PLA2G4B: variants seen among roughly 807,000 people sequenced by gnomAD.
PLA2G4B encodes the protein cytosolic phospholipase A2 beta.
A neutral mutation model predicts 95.8 loss-of-function variants in PLA2G4B; 122 were observed. The ratio of observed to expected loss-of-function variants is 1.27; its 90% CI spans 1.10 to 1.48. The LOEUF is 1.48. Ranked by LOEUF, PLA2G4B falls within the 40% of genes most tolerant of loss-of-function variation. The pLI, the probability that PLA2G4B is intolerant of heterozygous loss-of-function variation, is 0.00. For synonymous variants in PLA2G4B, 518 were observed against 421.5 expected (o/e 1.23, Z -2.80); for missense variants, 1,158 against 996.2 (o/e 1.16, Z -2.19).
intron 1 of PLA2G4B, 21 bp downstream of exon 1, chr15:41,838,943 G>A: frequency 1.3e-6 from 2 of 1,580,418 alleles, no homozygotes; most frequent in Non-Finnish European, 1.7e-6. Flanking sequence ...GCAGGGCCCT[G>A]GGTCCCTACT....
chr15:41,845,306 C>T lies in PLA2G4B; in HGVS notation c.1343C>T (p.Thr448Ile). Reference protein sequence around the residue: ...ALNTKGQSLTTFEFGEWCEFS... With the variant: ...ALNTKGQSLTIFEFGEWCEFS... ...AACACCAAAGGGCAGAGCCTGACCACTTTTGAATTTGGGGGTGAGTGGCCC... is the reference window on the plus strand; with the variant it reads ...AACACCAAAGGGCAGAGCCTGACCATTTTTGAATTTGGGGGTGAGTGGCCC... Residue 448 changes from threonine (T) to isoleucine (I), a missense_variant, in exon 14 of 20, where the codon ACT becomes ATT. Thr to Ile is a moderately conservative substitution (Grantham distance 89). Coordinates refer to ENST00000458483, the MANE Select transcript of PLA2G4B (RefSeq NM_001114633.2). The T allele has an allele frequency of 6.2e-7, 1 of 1,614,008 alleles. No individual in the cohort carries two copies. Among genetic ancestry groups the T allele is most frequent in the Non-Finnish European group, 8.5e-7 (1 of 1,179,930 alleles).
At chr15:41,838,997 A>G (rs1424685683) in intron 1 of PLA2G4B, 75 bp downstream of exon 1, 15 of 1,263,658 alleles carry the variant, frequency 1.2e-5, no homozygotes, top group Non-Finnish European at 1.7e-5. Context: ...TATGTTTCTT[A>G]TGGGAGCTGT....
chr15:41,840,001 T>C lies in PLA2G4B; in HGVS notation c.10-157T>C, dbSNP rs541656293. 249 of 810,928 alleles carry C rather than the reference T, an allele frequency of 3.1e-4. 1 individual carries two copies. Among genetic ancestry groups the C allele is most frequent in the East Asian group, 6.3e-4 (23 of 36,744 alleles). The allele number at this position is 810,928 out of a possible 1,614,324, so 50.2% of individuals were successfully genotyped here. A position where few individuals can be genotyped will look rare whatever the true frequency, so the allele number is the denominator to read the frequency against. ...GCTGGCAGGCGTCATGATGGAGATA[T>C]CATGTCTCCTCTTGTTGATTCAGGA... On this transcript the variant is annotated intron_variant, in intron 1 of 19. Transcript: ENST00000458483.
In PLA2G4B at chr15:41,846,750, A is replaced by G. The variant is rs920237364; in HGVS notation, c.1862A>G (p.Asn621Ser). 1.2e-6 allele frequency: 2 copies of G among 1,613,924 alleles called. No individual in the cohort carries two copies. The highest frequency in any genetic ancestry group is 2.2e-5 in the East Asian group (1 of 44,874). The stretch of plus-strand genomic sequence containing the variant: ...CTGCTGGATGTTGGCTACCTCATCA[A>G]TACCAGCTGCCTGCCCCTCCTGCAG... The part of the protein sequence containing the change: ...LCLLDVGYLI[N>S]TSCLPLLQPT... The change falls in exon 18 of 20, where the codon AAT becomes AGT. Residue 621 changes from asparagine (N) to serine (S), a missense_variant. Asn to Ser is a conservative substitution (Grantham distance 46). Coordinates refer to ENST00000458483, the MANE Select transcript of PLA2G4B (RefSeq NM_001114633.2).
Position 41,838,872 on chromosome 15 carries a change from T to A in PLA2G4B, c.-42T>A. On this transcript the variant is annotated 5_prime_UTR_variant, in exon 1 of 20. Transcript: ENST00000458483. ...AGAAAGCTGACAGTCCTTGATCCTG[T>A]GGCCACTGCCCCATCATTCCTGCTC... The A allele has an allele frequency of 1.3e-6, 2 of 1,582,650 alleles. No individual in the cohort carries two copies. Among genetic ancestry groups the A allele is most frequent in the Non-Finnish European group, 1.7e-6 (2 of 1,161,898 alleles).
chr15:41,841,345 A>G (rs2065428843), intron 6 of PLA2G4B, 72 bp downstream of exon 6: 2 of 1,610,894 alleles, frequency 1.2e-6, no homozygotes, highest in African/African-American at 2.7e-5. Context: ...CTTGAGGTAC[A>G]GGCCCACCGC....
At chr15:41,847,568 C>T (rs751655547) in intron 19 of PLA2G4B, 45 bp downstream of exon 19, 2 of 1,605,798 alleles carry the variant, frequency 1.2e-6, no homozygotes, top group Admixed American at 1.7e-5. Flanking sequence ...CAGTCCCCCA[C>T]ACCTCCTCCG....
rs1298495939 is a variant in PLA2G4B at position 41,841,862 on chromosome 15, G to C, written c.534G>C (p.Glu178Asp). ...AGCTTGTGGTTCCTGGGTCCTGTGAGGGTCCGCAGGAGGCCTCTGTGGGCA... is the reference window on the plus strand; with the variant it reads ...AGCTTGTGGTTCCTGGGTCCTGTGACGGTCCGCAGGAGGCCTCTGTGGGCA... ...RVQLVVPGSC[E>D]GPQEASVGTG... is the part of the protein sequence containing the mutation. The change falls in exon 8 of 20, where the codon GAG becomes GAC. Residue 178 changes from glutamate (E) to aspartate (D), a missense_variant. Transcript: ENST00000458483. 6.2e-7 allele frequency: 1 copy of C among 1,613,466 alleles called. No individual in the cohort carries two copies. Among genetic ancestry groups the C allele is most frequent in the Non-Finnish European group, 8.5e-7 (1 of 1,179,874 alleles).
intron 2 of PLA2G4B, 105 bp downstream of exon 2, chr15:41,840,335 G>T: frequency 6.3e-7 from 1 of 1,575,432 alleles, no homozygotes; most frequent in Non-Finnish European, 8.6e-7. Context: ...GGGCCGGTGG[G>T]CAGGGCCTAG....
rs749665047 is a variant in PLA2G4B, at chr15:41,846,122, C to T, written c.1600+75C>T. ...GCTGCACCAGGGGGCGGGGGGTTCA[C>T]ACCTCTTCCCCCTCCAGGGTCACCA... On this transcript the variant is annotated intron_variant, in intron 16 of 19. Transcript: ENST00000458483. 6.8e-5 allele frequency: 108 copies of T among 1,580,212 alleles called. No homozygotes were observed. In the Middle Eastern group the frequency reaches 1.3e-3, roughly 20 times the overall value.
At position 41,844,838 on chromosome 15, in the gene PLA2G4B, C is replaced by T; in HGVS notation, c.1017-10C>T. The T allele has an allele frequency of 6.3e-7, 1 of 1,593,132 alleles. No homozygotes were observed. Among genetic ancestry groups the T allele is most frequent in the Non-Finnish European group, 8.5e-7 (1 of 1,170,078 alleles). ...GACAGCCCTCTGGCTTTGGCTTTGG[C>T]TTTTCCCAGGGCCTTGGCCAACCTT... On this transcript the variant is annotated splice_polypyrimidine_tract_variant and intron_variant, in intron 12 of 19. Transcript: ENST00000458483.
chr15:41,838,941 CT>C lies in PLA2G4B; in HGVS notation c.9+20del. ...GGCTGTGGTAAGGCCTGGCAGGGCC[CT>C]GGGTCCCTACTGGGACCCCTGGTCT... On this transcript the variant is annotated intron_variant, in intron 1 of 19. Coordinates refer to ENST00000458483, the MANE Select transcript of PLA2G4B (RefSeq NM_001114633.2). 6.3e-7 allele frequency: 1 copy of C among 1,582,780 alleles called. No individual in the cohort carries two copies. The highest frequency in any genetic ancestry group is 1.8e-5 in the Admixed American group (1 of 56,214).
At chr15:41,842,687 C>T (rs956214088) in intron 10 of PLA2G4B, 96 bp downstream of exon 10, 2 of 1,538,096 alleles carry the variant, frequency 1.3e-6, no homozygotes, top group Admixed American at 4.7e-5. Flanking sequence ...GAAACAGCCG[C>T]CCCTCATCCT....
rs1354387056 is a variant in PLA2G4B, at chr15:41,848,038, C to T, written c.*178C>T. On this transcript the variant is annotated 3_prime_UTR_variant, in exon 20 of 20. Coordinates refer to ENST00000458483, the MANE Select transcript of PLA2G4B (RefSeq NM_001114633.2). Reference sequence around the variant, plus strand: ...GCAGTTTGCAGTGGGGTAAGGAGGCCAAGCCCATTTGTGTAATCACCCAAA... The same window carrying T: ...GCAGTTTGCAGTGGGGTAAGGAGGCTAAGCCCATTTGTGTAATCACCCAAA... 3.7e-6 allele frequency: 3 copies of T among 821,626 alleles called. No homozygotes were observed. Among genetic ancestry groups the T allele is most frequent in the African/African-American group, 3.5e-5 (2 of 57,944 alleles). The allele number at this position is 821,626 out of a possible 1,614,324, so 50.9% of individuals were successfully genotyped here.
At chr15:41,846,443 T>C in intron 17 of PLA2G4B, 61 bp downstream of exon 17, 1 of 1,562,638 alleles carries the variant, frequency 6.4e-7, no homozygotes, top group East Asian at 2.3e-5. Flanking sequence ...CCAGTCCAGA[T>C]ACCCCTCACA....
chr15:41,846,555 G>A lies in PLA2G4B; in HGVS notation c.1781-114G>A, dbSNP rs1365427818. On this transcript the variant is annotated intron_variant, in intron 17 of 19. Coordinates refer to ENST00000458483, the MANE Select transcript of PLA2G4B (RefSeq NM_001114633.2). ...GGACCCAGGGCCCACCTGCAGGGCT[G>A]TGGGGGTGTTGGTTCAGCAGGAGAG... The A allele has an allele frequency of 4.6e-6, 7 of 1,513,866 alleles. No homozygotes were observed. In the Admixed American group the frequency reaches 1.0e-4, roughly 22 times the overall value. The allele number at this position is 1,513,866 out of a possible 1,614,324, so 93.8% of individuals were successfully genotyped here. A position where few individuals can be genotyped will look rare whatever the true frequency, so the allele number is the denominator to read the frequency against.
At position 41,847,643 on chromosome 15, in the gene PLA2G4B, C is replaced by A; in HGVS notation, c.2135-6C>A. The A allele has an allele frequency of 6.2e-7, 1 of 1,613,646 alleles. No individual in the cohort carries two copies. The highest frequency in any genetic ancestry group is 8.5e-7 in the Non-Finnish European group (1 of 1,180,034). ...TTCCCCATGCCAGGCTGCACTCTCTCCACAGGGGTCCGGCGGACACCCGAG... is the reference window on the plus strand; with the variant it reads ...TTCCCCATGCCAGGCTGCACTCTCTACACAGGGGTCCGGCGGACACCCGAG... On this transcript the variant is annotated splice_region_variant and splice_polypyrimidine_tract_variant and intron_variant, in intron 19 of 19. Transcript: ENST00000458483.
intron 18 of PLA2G4B, 151 bp downstream of exon 18, chr15:41,846,986 C>G (rs2065568332): frequency 8.5e-7 from 1 of 1,176,022 alleles, no homozygotes; most frequent in South Asian, 1.9e-5. Context: ...GGAGCTCATT[C>G]TTTTCCGGAA....
intron 1 of PLA2G4B, chr15:41,839,846 T>G (rs945786300): frequency 3.0e-6 from 1 of 330,256 alleles, no homozygotes; most frequent in Non-Finnish European, 5.6e-6. Flanking sequence ...AGTGACTGCT[T>G]CTCTGTGCCT....
Sources: gnomAD v4.1 joint callset for allele counts on GRCh38, gnomAD v4.1.1 for gene constraint, MANE v1.5 for transcripts, NCBI Gene and HGNC (gene_info 2026-07-23, HGNC 2026-07-21) for gene names.